The following RBFOX1 variants were observed in gnomAD, a reference collection of about 807,000 sequenced individuals.
RBFOX1 encodes the protein RNA binding protein fox-1 homolog 1.
A neutral mutation model predicts 57.7 loss-of-function variants in RBFOX1; 8 were observed. The observed-to-expected ratio is 0.14, with a 90% confidence interval of 0.08 to 0.25. The LOEUF (loss-of-function observed/expected upper bound fraction) is 0.25. Ranked by LOEUF, RBFOX1 falls within the 10% of genes least tolerant of loss-of-function variation. RBFOX1 has a pLI of 1.00. For synonymous variants in RBFOX1, 326 were observed against 222.4 expected, an observed-to-expected ratio of 1.47 and a Z score of -4.15; for missense variants, 611 against 548.5, an observed-to-expected ratio of 1.11 and a Z score of -1.14.
intron 14 of RBFOX1, among the ~76,000 whole-genome samples, chr16:7,702,974 G>C (rs1395115991): frequency 6.6e-6 from 1 of 152,134 alleles, no homozygotes; most frequent in East Asian, 1.9e-4. Flanking sequence ...TTCTTACCTG[G>C]TGCCCCAGAG....
intron 4 of RBFOX1, among the ~76,000 whole-genome samples, chr16:7,197,467 A>G (rs1295870129): frequency 6.6e-6 from 1 of 150,708 alleles, no homozygotes; most frequent in Non-Finnish European, 1.5e-5. Flanking sequence ...AAAAAACATC[A>G]AGCTGTGATA....
At chr16:6,488,907 T>C (rs1194385802) in intron 2 of RBFOX1, among the ~76,000 whole-genome samples, 5 of 152,168 alleles carry the variant, frequency 3.3e-5, no homozygotes, top group Non-Finnish European at 7.3e-5. Flanking sequence ...CATGGTCTGA[T>C]TTTTCAAGAG....
chr16:7,419,502 G>A (rs753741373), intron 4 of RBFOX1, among the ~76,000 whole-genome samples: 8 of 152,196 alleles, frequency 5.3e-5, no homozygotes, highest in South Asian at 2.1e-4. Context: ...GGCCCACCAC[G>A]GCTTTTGTTT....
At chr16:7,403,615 C>T (rs79727723) in intron 4 of RBFOX1, among the ~76,000 whole-genome samples, 1 of 140,764 alleles carries the variant, frequency 7.1e-6, no homozygotes, top group African/African-American at 2.6e-5. Flanking sequence ...GGCACAATCT[C>T]AGGTCAGGGC....
At chr16:7,094,627 AGT>A (rs1491518652) in intron 4 of RBFOX1, among the ~76,000 whole-genome samples, 12 of 72,802 alleles carry the variant, frequency 1.6e-4, no homozygotes, top group Middle Eastern at 7.5e-3. Context: ...TTTCTTTTGA[AGT>A]TTTTTTTTTT....
intron 2 of RBFOX1, among the ~76,000 whole-genome samples, chr16:6,571,222 G>C (rs951685074): frequency 1.2e-4 from 18 of 152,208 alleles, no homozygotes; most frequent in Non-Finnish European, 2.5e-4. Context: ...AAAATTGTCA[G>C]AGGCTCTTGC....
At chr16:7,110,876 C>T (rs977822648) in intron 4 of RBFOX1, among the ~76,000 whole-genome samples, 3 of 152,088 alleles carry the variant, frequency 2.0e-5, no homozygotes, top group African/African-American at 7.2e-5. Context: ...CCTCCCATCC[C>T]AGGGTCAGCT....
intron 2 of RBFOX1, among the ~76,000 whole-genome samples, chr16:6,618,669 C>T (rs2098178912): frequency 6.6e-6 from 1 of 152,180 alleles, no homozygotes; most frequent in African/African-American, 2.4e-5. Flanking sequence ...TTCAAATTCA[C>T]ATCACTTTAA....
intron 1 of RBFOX1, among the ~76,000 whole-genome samples, chr16:6,165,190 A>G (rs1439307266): frequency 6.6e-6 from 1 of 152,206 alleles, no homozygotes; most frequent in Non-Finnish European, 1.5e-5. Context: ...TGACAAGATT[A>G]CCCTGTAGAC....
chr16:7,278,208 C>G (rs576404648), intron 4 of RBFOX1, among the ~76,000 whole-genome samples: 27 of 152,224 alleles, frequency 1.8e-4, no homozygotes, highest in African/African-American at 5.8e-4. Context: ...TGTATGCATT[C>G]AACAAATTAA....
chr16:6,794,621 T>C (rs1250626118), intron 3 of RBFOX1, among the ~76,000 whole-genome samples: 1 of 152,134 alleles, frequency 6.6e-6, no homozygotes, highest in African/African-American at 2.4e-5. Context: ...ATGGAATAGT[T>C]TCTAGGCATG....
intron 4 of RBFOX1, among the ~76,000 whole-genome samples, chr16:5,888,796 TAAAAAAAAAAAAAA>T (rs59196477): frequency 1.0e-5 from 1 of 99,234 alleles, no homozygotes; most frequent in Non-Finnish European, 2.0e-5. Flanking sequence ...AAACTCAGTC[TAAAAAAAAAAAAAA>T]AAAAAAAAAA....
chr16:7,272,380 C>T (rs1335275728), intron 4 of RBFOX1, among the ~76,000 whole-genome samples: 2 of 152,024 alleles, frequency 1.3e-5, no homozygotes, highest in Admixed American at 6.6e-5. Flanking sequence ...AGACTGTGTT[C>T]CGCCATGTTG....
At chr16:7,253,547 C>G (rs1189665859) in intron 4 of RBFOX1, among the ~76,000 whole-genome samples, 2 of 152,178 alleles carry the variant, frequency 1.3e-5, no homozygotes, top group Non-Finnish European at 2.9e-5. Context: ...TAAATGCACT[C>G]TCACCTCTGA....
At chr16:7,060,794 A>G (rs1430141268) in intron 4 of RBFOX1, among the ~76,000 whole-genome samples, 1 of 152,146 alleles carries the variant, frequency 6.6e-6, no homozygotes. Flanking sequence ...CCCCTCACTT[A>G]AGAAAAGTCT....
At chr16:6,114,894 A>G (rs2096483079) in intron 1 of RBFOX1, among the ~76,000 whole-genome samples, 1 of 152,192 alleles carries the variant, frequency 6.6e-6, no homozygotes, top group Admixed American at 6.5e-5. Context: ...CTGAGCCCAG[A>G]GTTGGCAACA....
intron 2 of RBFOX1, among the ~76,000 whole-genome samples, chr16:6,575,638 A>C (rs2097422489): frequency 2.0e-5 from 3 of 152,108 alleles, no homozygotes; most frequent in African/African-American, 4.8e-5. Flanking sequence ...TGGGCAGATC[A>C]CCTGAGGTCA....
chr16:7,141,508 T>C (rs1011981782), intron 4 of RBFOX1, among the ~76,000 whole-genome samples: 2 of 152,040 alleles, frequency 1.3e-5, no homozygotes, highest in African/African-American at 4.8e-5. Context: ...GGAAATGGAG[T>C]TTTGCTAGAG....
intron 4 of RBFOX1, among the ~76,000 whole-genome samples, chr16:5,910,295 A>G (rs2152208129): frequency 6.6e-6 from 1 of 152,188 alleles, no homozygotes; most frequent in Non-Finnish European, 1.5e-5. Context: ...AGCATCACAC[A>G]GAGGGGCACG....
Sources: gnomAD v4.1 joint callset for allele counts (sites outside exome capture counted in the v4.1 genomes callset) on GRCh38, gnomAD v4.1.1 for gene constraint, MANE v1.5 for transcripts, NCBI Gene and HGNC (gene_info 2026-07-23, HGNC 2026-07-21) for gene names.